The following NUP153 variants were observed in gnomAD, a reference collection of about 807,000 sequenced individuals.
NUP153 encodes nuclear pore complex protein Nup153.
A neutral mutation model predicts 134.6 loss-of-function variants in NUP153; 27 were observed. That is an observed-to-expected ratio of 0.20 (90% CI 0.15 to 0.28). The LOEUF (loss-of-function observed/expected upper bound fraction) is 0.28. Ranked by LOEUF, NUP153 falls within the 10% of genes least tolerant of loss-of-function variation. The pLI is 1.00. For synonymous variants in NUP153, 640 were observed against 623.5 expected (o/e 1.03, Z -0.40); for missense variants, 1,821 against 1,731.3 (o/e 1.05, Z -0.92).
intron 5 of NUP153, among the ~76,000 whole-genome samples, chr6:17,672,859 T>G (rs1338878663): frequency 6.6e-6 from 1 of 152,096 alleles, no homozygotes; most frequent in Non-Finnish European, 1.5e-5. Flanking sequence ...AAATGAACCT[T>G]GACCAATACC....
chr6:17,641,545 A>AAAAC (rs371438976), intron 14 of NUP153, among the ~76,000 whole-genome samples: 1,636 of 151,834 alleles, frequency 0.011, 22 homozygotes, highest in African/African-American at 0.035. Flanking sequence ...AAAACAAAAC[A>AAAAC]AAACAAACAA....
intron 2 of NUP153, among the ~76,000 whole-genome samples, chr6:17,676,223 G>C (rs1581746336): frequency 6.6e-6 from 1 of 152,148 alleles, no homozygotes; most frequent in African/African-American, 2.4e-5. Context: ...CAGGAGTAAA[G>C]AAAGGATTCG....
chr6:17,649,189 T>A lies in NUP153; in HGVS notation c.1507A>T (p.Asn503Tyr), dbSNP rs1181370287. Reference protein sequence around the residue: ...EITTSSPSPINSSQALTNKVQ... With the variant: ...EITTSSPSPIYSSQALTNKVQ... ...TTGTTTGTTAATGCTTGAGACGAAT[T>A]GATGGGTGATGGAGAGGAAGTTGTG... Residue 503 changes from asparagine (N) to tyrosine (Y), a missense_variant, in exon 12 of 22, where the codon AAT becomes TAT. Physicochemically the swap from Asn to Tyr is moderately radical, Grantham distance 143. Transcript: ENST00000262077. 6.2e-7 allele frequency: 1 copy of A among 1,613,588 alleles called. No homozygotes were observed. Among genetic ancestry groups the A allele is most frequent in the East Asian group, 2.2e-5 (1 of 44,842 alleles).
intron 11 of NUP153, among the ~76,000 whole-genome samples, chr6:17,660,932 T>C (rs1182671386): frequency 6.6e-6 from 1 of 152,098 alleles, no homozygotes; most frequent in Non-Finnish European, 1.5e-5. Context: ...CGGTAAATCT[T>C]CAAACTGGAT....
At chr6:17,704,464 T>C (rs1234449496) in intron 1 of NUP153, among the ~76,000 whole-genome samples, 1 of 152,194 alleles carries the variant, frequency 6.6e-6, no homozygotes, top group Non-Finnish European at 1.5e-5. Flanking sequence ...AAAGCATGCA[T>C]GTGTAACTTC....
intron 2 of NUP153, among the ~76,000 whole-genome samples, chr6:17,677,205 T>C (rs1482105819): frequency 1.3e-5 from 2 of 152,182 alleles, no homozygotes; most frequent in African/African-American, 4.8e-5. Context: ...CACCCTGGAC[T>C]TGTCCCCACA....
At chr6:17,661,995 A>G (rs757956039) in intron 10 of NUP153, 23 bp downstream of exon 10, 1 of 1,517,386 alleles carries the variant, frequency 6.6e-7, no homozygotes, top group East Asian at 2.3e-5. Flanking sequence ...AAAGAAGTAT[A>G]GCTGTATAAG....
chr6:17,686,521 G>A (rs1386982145), intron 2 of NUP153, among the ~76,000 whole-genome samples: 3 of 151,536 alleles, frequency 2.0e-5, no homozygotes, highest in South Asian at 2.1e-4. Context: ...TCAGCCTCCG[G>A]AGTAGCTGGG....
chr6:17,622,503 C>A (rs1329601847), intron 20 of NUP153, among the ~76,000 whole-genome samples: 6 of 152,124 alleles, frequency 3.9e-5, no homozygotes, highest in African/African-American at 1.4e-4. Context: ...TCTTTACTAT[C>A]CAGGTCTACC....
chr6:17,651,976 TC>T, intron 11 of NUP153: 1 of 547,740 alleles, frequency 1.8e-6, no homozygotes. Context: ...ATGCCTGTGG[TC>T]CCAGCTACTT....
In NUP153 at chr6:17,705,284, G is replaced by A. The variant is rs12662451; in HGVS notation, c.111+993C>T. The stretch of plus-strand genomic sequence containing the variant: ...CTGATAAGTGGCTTTATTAAAATAA[G>A]TTAACATTTTCCTATTCAATACTTC... On this transcript the variant is annotated intron_variant, in intron 1 of 21. Transcript: ENST00000262077. Among the ~76,000 whole-genome samples the A allele has an allele frequency of 5.2e-3, 793 of 152,214 alleles. 18 individuals carry two copies. The highest frequency in any genetic ancestry group is 0.04 in the Admixed American group (612 of 15,284).
chr6:17,688,471 C>G lies in NUP153; in HGVS notation c.259G>C (p.Val87Leu). The G allele has an allele frequency of 1.2e-6, 2 of 1,614,100 alleles. No homozygotes were observed. The highest frequency in any genetic ancestry group is 8.5e-7 in the Non-Finnish European group (1 of 1,180,002). The change falls in exon 2 of 22, where the codon GTA (valine) becomes CTA (leucine). Residue 87 changes from valine (V) to leucine (L), a missense_variant. Coordinates refer to ENST00000262077, the MANE Select transcript of NUP153 (RefSeq NM_005124.4). Reference sequence around the variant, plus strand: ...TTAGAGCTCTCCTCATCGGCATATACCAGATGGTCCTCTTTATTTTCTGGC... The same window carrying G: ...TTAGAGCTCTCCTCATCGGCATATAGCAGATGGTCCTCTTTATTTTCTGGC... ...RWPENKEDHL[V>L]YADEESSNIT... is the part of the protein sequence containing the mutation.
At chr6:17,642,196 C>T (rs534204361) in intron 14 of NUP153, among the ~76,000 whole-genome samples, 4 of 151,902 alleles carry the variant, frequency 2.6e-5, no homozygotes, top group South Asian at 4.2e-4. Context: ...AGATATGACA[C>T]GAAAAGCACA....
At position 17,629,322 on chromosome 6, in the gene NUP153, A is replaced by G; in HGVS notation, c.2877T>C (p.Phe959=). The G allele has an allele frequency of 1.2e-6, 2 of 1,607,130 alleles. No homozygotes were observed. Among genetic ancestry groups the G allele is most frequent in the East Asian group, 2.2e-5 (1 of 44,850 alleles). The change falls in exon 18 of 22, where the codon TTT becomes TTC. Residue 959 remains phenylalanine, a synonymous_variant. Transcript: ENST00000262077. ...GFKFSKPIGD[F]KFGVSSESKP... Reference sequence around the variant, plus strand: ...TAGATTCAGATGAAACTCCAAATTTAAAATCTCCTATTGGTTTAGAAAATT... The same window carrying G: ...TAGATTCAGATGAAACTCCAAATTTGAAATCTCCTATTGGTTTAGAAAATT...
At chr6:17,663,232 T>TGCACAC (rs1294736394) in intron 9 of NUP153, among the ~76,000 whole-genome samples, 2 of 144,008 alleles carry the variant, frequency 1.4e-5, no homozygotes, top group Non-Finnish European at 3.0e-5. Context: ...AAGAAAAAAA[T>TGCACAC]ACACACACAC....
At chr6:17,686,413 T>G (rs1768929961) in intron 2 of NUP153, among the ~76,000 whole-genome samples, 1 of 151,918 alleles carries the variant, frequency 6.6e-6, no homozygotes, top group African/African-American at 2.4e-5. Context: ...CTTTTTTTTT[T>G]TTGAGACGGA....
Position 17,629,417 on chromosome 6 carries a change from C to A in NUP153, c.2782G>T (p.Asp928Tyr). The change falls in exon 18 of 22, where the codon GAT (aspartate) becomes TAT (tyrosine). Residue 928 changes from aspartate to tyrosine, a missense_variant. Physicochemically the swap from Asp to Tyr is radical, Grantham distance 160 (BLOSUM62 -3). Coordinates refer to ENST00000262077, the MANE Select transcript of NUP153 (RefSeq NM_005124.4). ...LTSTGNFKFGDQGGFKIGVSS... is the reference protein window; with the variant it reads ...LTSTGNFKFGYQGGFKIGVSS... ...ACACCTATTTTGAATCCTCCCTGAT[C>A]TCCAAATTTAAAATTTCCAGTGCTT... The A allele has an allele frequency of 1.9e-6, 3 of 1,614,056 alleles. No homozygotes were observed. Among genetic ancestry groups the A allele is most frequent in the South Asian group, 1.1e-5 (1 of 91,084 alleles).
intron 1 of NUP153, among the ~76,000 whole-genome samples, chr6:17,695,781 G>A (rs1769600132): frequency 6.6e-6 from 1 of 152,166 alleles, no homozygotes; most frequent in African/African-American, 2.4e-5. Flanking sequence ...AGGCCAAGGT[G>A]GGCGGATCAT....
At chr6:17,692,501 C>T (rs1188037726) in intron 1 of NUP153, among the ~76,000 whole-genome samples, 2 of 151,834 alleles carry the variant, frequency 1.3e-5, no homozygotes, top group African/African-American at 4.8e-5. Flanking sequence ...GTGACAGAGA[C>T]CCTGTTTCTA....
Sources: allele counts gnomAD v4.1 joint callset (sites outside exome capture counted in the v4.1 genomes callset), GRCh38; gene constraint gnomAD v4.1.1; transcripts MANE v1.5; gene names NCBI Gene and HGNC (gene_info 2026-07-23, HGNC 2026-07-21).